Variants in SYT14 observed in about 807,000 individuals in gnomAD.
The protein encoded by SYT14 is synaptotagmin 14, also known as synaptotagmin-14.
In SYT14, 32 loss-of-function variants were observed where a neutral mutation model predicts 74.2. The ratio of observed to expected loss-of-function variants is 0.43; its 90% CI spans 0.33 to 0.58. The LOEUF is 0.58. SYT14 is among the 20% of genes least tolerant of loss of function. SYT14 has a pLI of 0.05. For synonymous variants in SYT14, 298 were observed against 337.7 expected, an observed-to-expected ratio of 0.88 and a Z score of 1.29; for missense variants, 791 against 981.8, an observed-to-expected ratio of 0.81 and a Z score of 2.60.
At chr1:210,000,950 A>G (rs928542606) in intron 2 of SYT14, among the ~76,000 whole-genome samples, 4 of 152,130 alleles carry the variant, frequency 2.6e-5, no homozygotes, top group Non-Finnish European at 5.9e-5. Flanking sequence ...TTAAAAACAC[A>G]TTATTTTAAG....
At chr1:209,953,253 A>G (rs1159480136) in intron 2 of SYT14, 3 of 1,287,112 alleles carry the variant, frequency 2.3e-6, no homozygotes, top group African/African-American at 1.5e-5. Flanking sequence ...AAGTGGCCCC[A>G]GGAAAGGTAA....
At chr1:210,102,803 T>A (rs2082091567) in intron 7 of SYT14, among the ~76,000 whole-genome samples, 1 of 151,898 alleles carries the variant, frequency 6.6e-6, no homozygotes, top group Non-Finnish European at 1.5e-5. Context: ...CACCTCAGCC[T>A]CTCGAATAGC....
chr1:210,120,306 T>A (rs1198139567), intron 7 of SYT14, among the ~76,000 whole-genome samples: 1 of 152,038 alleles, frequency 6.6e-6, no homozygotes, highest in Non-Finnish European at 1.5e-5. Flanking sequence ...ACATAATTGA[T>A]GGTGATCCCA....
rs6540579 is a variant in SYT14, at chr1:210,078,178, C to T, written c.1313-16144C>T. Among the ~76,000 whole-genome samples, 526 of 151,596 alleles carry T rather than the reference C, an allele frequency of 3.5e-3. 4 individuals are homozygous for T. Among genetic ancestry groups the T allele is most frequent in the African/African-American group, 0.012 (490 of 41,318 alleles). ...ACAAAAAATTAGCCGGGCGTGGTAG[C>T]GGGCGCCTGTAGTCCCAGCTACTCG... is the stretch of plus-strand genomic sequence containing the variant. On this transcript the variant is annotated intron_variant, in intron 5 of 9. Transcript: ENST00000637265.
rs561183624 is a variant in SYT14, at chr1:209,993,310, C to T, written c.-485-20323C>T. ...TCCTTGGACACATGCCTAGCTGCCCCGCATGATTGAGTGCACAGTGTAGCA... is the reference window on the plus strand; with the variant it reads ...TCCTTGGACACATGCCTAGCTGCCCTGCATGATTGAGTGCACAGTGTAGCA... On this transcript the variant is annotated intron_variant, in intron 2 of 9. Transcript: ENST00000637265. 3.9e-5 allele frequency among the ~76,000 whole-genome samples: 6 copies of T among 152,326 alleles called. No homozygotes were observed. In the East Asian group the frequency reaches 7.7e-4, roughly 20 times the overall value.
intron 2 of SYT14, among the ~76,000 whole-genome samples, chr1:209,959,355 G>A (rs1572069017): frequency 6.6e-6 from 1 of 152,010 alleles, no homozygotes; most frequent in East Asian, 1.9e-4. Context: ...CATTGGCCAG[G>A]CTGGTCTCAA....
intron 6 of SYT14, among the ~76,000 whole-genome samples, chr1:210,096,690 G>A (rs529836223): frequency 6.6e-6 from 1 of 152,284 alleles, no homozygotes; most frequent in African/African-American, 2.4e-5. Context: ...TATACTCCTG[G>A]CCACCAGTGA....
In SYT14 at chr1:210,136,748, A is replaced by G. The variant is rs534136365; in HGVS notation, c.2035-18973A>G. Reference sequence around the variant, plus strand: ...GTAACTTTGGCGAAGACCTCACCGTAGCCTCTGGTGGTGCCGAGGCCCAAT... The same window carrying G: ...GTAACTTTGGCGAAGACCTCACCGTGGCCTCTGGTGGTGCCGAGGCCCAAT... On this transcript the variant is annotated intron_variant, in intron 7 of 9. Coordinates refer to ENST00000637265, the Ensembl canonical transcript of SYT14. Among the ~76,000 whole-genome samples, 36 of 152,338 alleles carry G rather than the reference A, an allele frequency of 2.4e-4. 1 individual carries two copies. In the South Asian group the frequency reaches 7.3e-3, roughly 31 times the overall value.
intron 7 of SYT14, among the ~76,000 whole-genome samples, chr1:210,129,372 G>A (rs2082630292): frequency 6.6e-6 from 1 of 152,152 alleles, no homozygotes. Context: ...AACTCCTTGT[G>A]TCTCACTGAG....
chr1:209,968,480 A>C (rs2102741401), intron 2 of SYT14, among the ~76,000 whole-genome samples: 1 of 151,380 alleles, frequency 6.6e-6, no homozygotes, highest in East Asian at 1.9e-4. Flanking sequence ...TTTCATATGG[A>C]GTAGTTTCAT....
intron 2 of SYT14, among the ~76,000 whole-genome samples, chr1:209,999,501 G>A (rs2079855558): frequency 1.3e-5 from 2 of 152,042 alleles, no homozygotes; most frequent in South Asian, 4.1e-4. Context: ...TGAAATCAAT[G>A]TAAGTGTCCA....
rs535973372 is a variant in SYT14, at chr1:210,043,367, T to C, written c.1312+22113T>C. On this transcript the variant is annotated intron_variant, in intron 5 of 9. Coordinates refer to ENST00000637265, the Ensembl canonical transcript of SYT14. ...AGTCTTCTAATGAAAACCTACCAGA[T>C]AGATATATTTCTACTCCAACTCTCT... is the stretch of plus-strand genomic sequence containing the variant. 1.1e-4 allele frequency among the ~76,000 whole-genome samples: 16 copies of C among 152,022 alleles called. No homozygotes were observed. The East Asian group carries it at 2.9e-3, about 28-fold the overall frequency.
intron 5 of SYT14, among the ~76,000 whole-genome samples, chr1:210,039,530 A>C (rs2102338618): frequency 6.6e-6 from 1 of 152,318 alleles, no homozygotes; most frequent in Non-Finnish European, 1.5e-5. Flanking sequence ...CAAAATTGAC[A>C]AAAGGGATCT....
At chr1:209,947,412 GAGA>G (rs1423228780) in intron 1 of SYT14, among the ~76,000 whole-genome samples, 1 of 152,166 alleles carries the variant, frequency 6.6e-6, no homozygotes, top group African/African-American at 2.4e-5. Flanking sequence ...AGGAGTTTGG[GAGA>G]AGTTGATTCC....
intron 2 of SYT14, among the ~76,000 whole-genome samples, chr1:210,003,482 A>G (rs1191524620): frequency 2.0e-5 from 3 of 152,144 alleles, no homozygotes; most frequent in African/African-American, 7.2e-5. Flanking sequence ...AGTTTTCTCC[A>G]GTTTAAATTT....
Position 210,122,127 on chromosome 1 carries a change from G to A in SYT14, c.2034+21666G>A, listed in dbSNP as rs927004071. Among the ~76,000 whole-genome samples the A allele has an allele frequency of 3.0e-5, 2 of 65,922 alleles. 1 individual carries two copies. The highest frequency in any genetic ancestry group is 5.2e-5 in the Non-Finnish European group (2 of 38,220). 43.2% of individuals were successfully genotyped at this position (65,922 alleles called of 152,430 possible). A position where few individuals can be genotyped will look rare whatever the true frequency, so the allele number is the denominator to read the frequency against. On this transcript the variant is annotated intron_variant, in intron 7 of 9. Transcript: ENST00000637265. ...CAAGTAGCTGGGACTACAGGCGCCC[G>A]CCACTACGCCCGGCTAATTTTTTTG...
chr1:210,154,860 T>G (rs2083237183), intron 7 of SYT14, among the ~76,000 whole-genome samples: 1 of 152,258 alleles, frequency 6.6e-6, no homozygotes, highest in African/African-American at 2.4e-5. Context: ...TATTTTGTAG[T>G]TATTAGGTAT....
exon 10 of SYT14, chr1:210,169,824 T>A (rs937286392): frequency 6.6e-6 from 1 of 152,168 alleles, no homozygotes; most frequent in Non-Finnish European, 1.5e-5. Flanking sequence ...GGTTCCTCAC[T>A]GATCAATACT....
At position 209,994,505 on chromosome 1, in the gene SYT14, A is replaced by G. The variant is rs144839893; in HGVS notation, c.-485-19128A>G. Among the ~76,000 whole-genome samples the G allele has an allele frequency of 2.2e-3, 329 of 152,300 alleles. 1 individual carries two copies. The highest frequency in any genetic ancestry group is 0.01 in the Middle Eastern group (3 of 294). On this transcript the variant is annotated intron_variant, in intron 2 of 9. Transcript: ENST00000637265. Reference sequence around the variant, plus strand: ...ATATGGGATTATGTAAAGTGATTAAATCTAAGACTCATTGGCATTCCTGAG... The same window carrying G: ...ATATGGGATTATGTAAAGTGATTAAGTCTAAGACTCATTGGCATTCCTGAG...
Sources: gnomAD v4.1 joint callset for allele counts (sites outside exome capture counted in the v4.1 genomes callset) on GRCh38, gnomAD v4.1.1 for gene constraint, MANE v1.5 for transcripts, NCBI Gene and HGNC (gene_info 2026-07-23, HGNC 2026-07-21) for gene names.